The following NDRG2 variants were observed in gnomAD, a reference collection of about 807,000 sequenced individuals.
NDRG2 encodes the protein NDRG family member 2.
NDRG2 carries 34 observed loss-of-function variants against 58.2 expected under a neutral mutation model. That is an observed-to-expected ratio of 0.58 (90% CI 0.44 to 0.78). The LOEUF (loss-of-function observed/expected upper bound fraction) is 0.78, where lower values mean the gene tolerates loss of function less well. NDRG2 is among the 30% of genes least tolerant of loss of function. The pLI is 0.00. For synonymous variants in NDRG2, 187 were observed against 175.9 expected (o/e 1.06, Z -0.50); for missense variants, 434 against 471.2 (o/e 0.92, Z 0.73).
Position 21,022,893 on chromosome 14 carries a change from C to T in NDRG2, c.88G>A (p.Ala30Thr). Reference protein sequence around the residue: ...TPEAAKEAELAARILLDQGQT... With the variant: ...TPEAAKEAELTARILLDQGQT... ...CCCTGGTCCAGGAGGATTCGGGCAG[C>T]TAACTCAGCCTCCTGGAGAGACACA... Residue 30 changes from alanine (A) to threonine (T), a missense_variant, in exon 3 of 16, where the codon GCT becomes ACT. By Grantham distance (58) the Ala-to-Thr change is moderately conservative (BLOSUM62 0). Coordinates refer to ENST00000556147, the MANE Select transcript of NDRG2 (RefSeq NM_001320329.2). The T allele has an allele frequency of 6.2e-7, 1 of 1,614,052 alleles. No homozygotes were observed. Among genetic ancestry groups the T allele is most frequent in the Non-Finnish European group, 8.5e-7 (1 of 1,179,968 alleles).
intron 1 of NDRG2, among the ~76,000 whole-genome samples, chr14:21,041,647 A>G (rs1474392257): frequency 6.6e-6 from 1 of 152,218 alleles, no homozygotes; most frequent in Non-Finnish European, 1.5e-5. Flanking sequence ...GAGAGCAGCA[A>G]CAGCATTTTA....
At chr14:21,035,015 T>C (rs1478903882) in intron 1 of NDRG2, among the ~76,000 whole-genome samples, 2 of 152,266 alleles carry the variant, frequency 1.3e-5, no homozygotes, top group South Asian at 4.1e-4. Context: ...AGCACTGTTA[T>C]GTTTCTGAGG....
chr14:21,020,063 AG>A lies in NDRG2; in HGVS notation c.556-88del, dbSNP rs1879277939. 58 of 1,230,730 alleles carry A rather than the reference AG, an allele frequency of 4.7e-5. 1 individual carries two copies. In the South Asian group the frequency reaches 6.9e-4, roughly 15 times the overall value. 76.2% of individuals were successfully genotyped at this position (1,230,730 alleles called of 1,614,324 possible). A position where few individuals can be genotyped will look rare whatever the true frequency, so the allele number is the denominator to read the frequency against. ...GTAATCCCAGCACTTTGGGAGGCCGAGGCGGGTGGATCACGAGGTCAGGAGT... is the reference window on the plus strand; with the variant it reads ...GTAATCCCAGCACTTTGGGAGGCCGAGCGGGTGGATCACGAGGTCAGGAGT... On this transcript the variant is annotated intron_variant, in intron 8 of 15. Coordinates refer to ENST00000556147, the MANE Select transcript of NDRG2 (RefSeq NM_001320329.2).
chr14:21,043,855 C>T (rs568458870), intron 1 of NDRG2: 99 of 198,600 alleles, frequency 5.0e-4, no homozygotes, highest in African/African-American at 1.9e-3. Context: ...CCAGCTCTGA[C>T]GTGGCAGTGA....
intron 4 of NDRG2, 102 bp downstream of exon 4, chr14:21,022,290 C>T: frequency 2.5e-6 from 4 of 1,585,288 alleles, no homozygotes; most frequent in Non-Finnish European, 8.6e-7. Flanking sequence ...GAGAGAACTT[C>T]TCCTTCCCAC....
chr14:21,051,996 T>C (rs1885489783), intron 1 of NDRG2, among the ~76,000 whole-genome samples: 1 of 152,206 alleles, frequency 6.6e-6, no homozygotes, highest in Non-Finnish European at 1.5e-5. Flanking sequence ...CAAGGCACCT[T>C]CAGAGTCTAC....
rs950644581 is a variant in NDRG2, at chr14:21,070,320, G to T, written c.24+508C>A. The T allele has an allele frequency of 7.2e-6, 10 of 1,384,438 alleles. No homozygotes were observed. The highest frequency in any genetic ancestry group is 1.5e-5 in the African/African-American group (1 of 65,472). The allele number at this position is 1,384,438 out of a possible 1,614,324, so 85.8% of individuals were successfully genotyped here. ...CCCTTAGCCAGACCCGGCGAGACAC[G>T]AGCGGCGGGAGGGAGGCGGTGGCGC... On this transcript the variant is annotated intron_variant, in intron 1 of 14. Transcript: ENST00000403829. This position sits in a 1 kb window ranked among gnomAD's most constrained non-coding sequence, Gnocchi z 4.7.
At chr14:21,029,812 C>A (rs1883938803), upstream of NDRG2, among the ~76,000 whole-genome samples, 1 of 152,104 alleles carries the variant, frequency 6.6e-6, no homozygotes, top group Non-Finnish European at 1.5e-5. Flanking sequence ...GGAAAGCAGC[C>A]CTCACCAAAC....
chr14:21,019,101 C>A lies in NDRG2; in HGVS notation c.761+15G>T, dbSNP rs1878595553. 2 of 1,598,434 alleles carry A rather than the reference C, an allele frequency of 1.3e-6. No individual in the cohort carries two copies. The highest frequency in any genetic ancestry group is 3.6e-5 in the Admixed American group (2 of 55,486). On this transcript the variant is annotated intron_variant, in intron 11 of 15. Transcript: ENST00000556147. ...TCCAGGGAGACAGGCAATGCATTAT[C>A]TCTTAAAGTCTTACCTGAGGGTGAT...
Position 21,058,007 on chromosome 14 carries a change from A to C in NDRG2, c.24+12821T>G, listed in dbSNP as rs376705419. The C allele has an allele frequency of 2.6e-4, 424 of 1,613,948 alleles. 1 individual carries two copies. Among genetic ancestry groups the C allele is most frequent in the Non-Finnish European group, 3.0e-4 (353 of 1,180,006 alleles). ...GGACATGACATCATCTCAGTGGTTT[A>C]AAACTCAGCATGTGCAGCCCAGCCC... On this transcript the variant is annotated intron_variant, in intron 1 of 14. Coordinates refer to the NDRG2 transcript ENST00000403829.
rs542858639 is a variant in NDRG2, at chr14:21,055,168, A to C, written c.24+15660T>G. 2.9e-4 allele frequency among the ~76,000 whole-genome samples: 44 copies of C among 152,230 alleles called. 2 individuals carry two copies. The highest frequency in any genetic ancestry group is 2.9e-3 in the Admixed American group (44 of 15,282). ...AAAGTTTTACTTTTGAAATTATTTG[A>C]CTGCAAGTAAGTTGTGACTGGCACT... On this transcript the variant is annotated intron_variant, in intron 1 of 14. Coordinates refer to the NDRG2 transcript ENST00000403829.
rs374696441 is a variant in NDRG2 at position 21,043,289 on chromosome 14, G to C, written c.25-19968C>G. 11 of 1,614,076 alleles carry C rather than the reference G, an allele frequency of 6.8e-6. No individual in the cohort carries two copies. In the African/African-American group the frequency reaches 1.5e-4, roughly 22 times the overall value. On this transcript the variant is annotated intron_variant, in intron 1 of 14. Transcript: ENST00000403829. ...AGAATGGCGATAAAAACTGCCACCA[G>C]AGCCACGGGGCCGTGTCCCTGACCA...
At chr14:21,062,210 A>G (rs1885997208) in intron 1 of NDRG2, among the ~76,000 whole-genome samples, 1 of 152,252 alleles carries the variant, frequency 6.6e-6, no homozygotes, top group South Asian at 2.1e-4. Context: ...AAAAACTCAC[A>G]TTGACACTAC....
chr14:21,024,564 C>T lies in NDRG2; in HGVS notation c.-541G>A. Reference sequence around the variant, plus strand: ...TCCCTCCACAATTTAAAAACAAACACAAAGATTGGTGCCGTCGCTTCTCTC... The same window carrying T: ...TCCCTCCACAATTTAAAAACAAACATAAAGATTGGTGCCGTCGCTTCTCTC... On this transcript the variant is annotated 5_prime_UTR_variant, in exon 1 of 16. The change creates a new upstream start codon in the 5' untranslated region. Transcript: ENST00000556147. 1 of 985,452 alleles carries T rather than the reference C, an allele frequency of 1.0e-6. No homozygotes were observed. The highest frequency in any genetic ancestry group is 1.2e-6 in the Non-Finnish European group (1 of 829,942). 61.0% of individuals were successfully genotyped at this position (985,452 alleles called of 1,614,324 possible).
In NDRG2 at chr14:21,017,655, T is replaced by C. The variant is rs368614805; in HGVS notation, c.1057A>G (p.Ser353Gly). Residue 353 changes from serine (S) to glycine (G), a missense_variant, in exon 16 of 16, where the codon AGC becomes GGC. Transcript: ENST00000556147. ...CCCGAAGAAAGAGTTCCAGACTCGC[T>C]GCTCTGGGACAGGGTGCGAGAGCGG... ...RSRSRTLSQS[S>G]ESGTLSSGPP... 5 of 1,613,286 alleles carry C rather than the reference T, an allele frequency of 3.1e-6. No homozygotes were observed. Among genetic ancestry groups the C allele is most frequent in the Non-Finnish European group, 4.2e-6 (5 of 1,179,662 alleles).
At chr14:21,022,009 G>T in intron 5 of NDRG2, 53 bp downstream of exon 5, 1 of 1,612,984 alleles carries the variant, frequency 6.2e-7, no homozygotes, top group Non-Finnish European at 8.5e-7. Flanking sequence ...AACCTTTCCC[G>T]CACCTGTCCT....
At chr14:21,064,660 T>C (rs1371318271) in intron 1 of NDRG2, among the ~76,000 whole-genome samples, 1 of 152,230 alleles carries the variant, frequency 6.6e-6, no homozygotes, top group African/African-American at 2.4e-5. Context: ...CGTGGAAATA[T>C]ATACGGACAA....
chr14:21,052,417 G>C (rs977409705), intron 1 of NDRG2, among the ~76,000 whole-genome samples: 10 of 152,204 alleles, frequency 6.6e-5, no homozygotes, highest in African/African-American at 1.2e-4. Context: ...TGTACGGCAA[G>C]GTTCGTAAAT....
At chr14:21,033,893 C>T in intron 1 of NDRG2, 1 of 1,614,064 alleles carries the variant, frequency 6.2e-7, no homozygotes, top group Non-Finnish European at 8.5e-7. Flanking sequence ...GGTAGAGCTT[C>T]TGGTTGGTTA....
Sources: allele counts gnomAD v4.1 joint callset (sites outside exome capture counted in the v4.1 genomes callset), GRCh38; gene constraint gnomAD v4.1.1; non-coding constraint Gnocchi (gnomAD v3.1); transcripts MANE v1.5; gene names NCBI Gene and HGNC (gene_info 2026-07-23, HGNC 2026-07-21).